Variants in DDX6 observed in about 807,000 individuals in gnomAD.
DDX6 encodes the protein DEAD-box helicase 6, also known as probable ATP-dependent RNA helicase DDX6.
A neutral mutation model predicts 60.6 loss-of-function variants in DDX6; 7 were observed. The ratio of observed to expected loss-of-function variants is 0.12; its 90% CI spans 0.07 to 0.22. The LOEUF is 0.22. DDX6 is among the 10% of genes least tolerant of loss of function. The probability of loss-of-function intolerance (pLI) is 1.00; values close to 1 mark genes in which losing one functional copy is unlikely to be tolerated. For synonymous variants in DDX6, 207 were observed against 201.0 expected, an observed-to-expected ratio of 1.03 and a Z score of -0.25; for missense variants, 270 against 589.9, an observed-to-expected ratio of 0.46 and a Z score of 5.62.
intron 4 of DDX6, among the ~76,000 whole-genome samples, chr11:118,770,883 CAA>C (rs369951350): frequency 1.7e-4 from 16 of 95,442 alleles, no homozygotes; most frequent in African/African-American, 1.4e-4. Context: ...CTCAGTCTCA[CAA>C]AAAAAAAAAA....
intron 9 of DDX6, among the ~76,000 whole-genome samples, chr11:118,758,373 C>CT (rs879993842): frequency 8.2e-4 from 121 of 148,372 alleles, no homozygotes; most frequent in Admixed American, 2.3e-3. Context: ...ATTTTTTAAT[C>CT]TTTTTTTTTT....
intron 1 of DDX6, chr11:118,786,988 T>G (rs529994718): frequency 6.6e-6 from 1 of 152,320 alleles, no homozygotes; most frequent in African/African-American, 2.4e-5. Flanking sequence ...GCTTTTGACT[T>G]GAACTTCACA....
At chr11:118,758,990 G>A in intron 8 of DDX6, 88 bp from the exon 9 acceptor site, 1 of 1,520,334 alleles carries the variant, frequency 6.6e-7, no homozygotes, top group Non-Finnish European at 8.9e-7. Context: ...ATACGTTTCT[G>A]TCCGATAAAC....
In DDX6 at chr11:118,780,148, A is replaced by G. The variant is rs1267022465; in HGVS notation, c.265-412T>C. Among the ~76,000 whole-genome samples the G allele has an allele frequency of 5.3e-5, 8 of 150,156 alleles. No individual in the cohort carries two copies. In the East Asian group the frequency reaches 1.6e-3, roughly 29 times the overall value. ...AAAAAAAAAAAAAAAAAAAGGAAAG[A>G]AAACTTCTCTGACTTTAGTACTTTA... On this transcript the variant is annotated intron_variant, in intron 3 of 13. Coordinates refer to ENST00000534980, the MANE Select transcript of DDX6 (RefSeq NM_004397.6).
rs1302242500 is a variant in DDX6, at chr11:118,748,249, T to C, written c.*3856A>G. The C allele has an allele frequency of 1.3e-5, 2 of 152,212 alleles. No homozygotes were observed. The highest frequency in any genetic ancestry group is 2.9e-5 in the Non-Finnish European group (2 of 68,054). 9.4% of individuals were successfully genotyped at this position (152,212 alleles called of 1,614,324 possible). A position where few individuals can be genotyped will look rare whatever the true frequency, so the allele number is the denominator to read the frequency against. ...TCTGTTGGAATCTGTCAGCTGTGGA[T>C]GGGCAGAGTCCAGGTGCCAGGCTAG... On this transcript the variant is annotated 3_prime_UTR_variant, in exon 14 of 14. Coordinates refer to ENST00000534980, the MANE Select transcript of DDX6 (RefSeq NM_004397.6).
intron 3 of DDX6, 31 bp from the exon 4 acceptor site, chr11:118,779,767 T>C (rs1292212255): frequency 2.7e-6 from 4 of 1,466,926 alleles, no homozygotes; most frequent in South Asian, 2.4e-5. Context: ...AATAAAAGAA[T>C]AAATAACACT....
At chr11:118,759,520 T>C (rs1334779504) in intron 8 of DDX6, among the ~76,000 whole-genome samples, 1 of 152,210 alleles carries the variant, frequency 6.6e-6, no homozygotes, top group Non-Finnish European at 1.5e-5. Context: ...CATCCTTAAT[T>C]TGAAAATTCA....
chr11:118,749,051 G>A lies in DDX6; in HGVS notation c.*3054C>T, dbSNP rs1027665916. The A allele has an allele frequency of 2.0e-5, 3 of 152,086 alleles. No homozygotes were observed. Among genetic ancestry groups the A allele is most frequent in the Non-Finnish European group, 2.9e-5 (2 of 68,018 alleles). The allele number at this position is 152,086 out of a possible 1,614,324, so 9.4% of individuals were successfully genotyped here. On this transcript the variant is annotated 3_prime_UTR_variant, in exon 14 of 14. Coordinates refer to ENST00000534980, the MANE Select transcript of DDX6 (RefSeq NM_004397.6). ...TGTGAAAGATCATTTTAGAATAAAT[G>A]TATTCCATTCCTATGGGAGAGGCAA...
At chr11:118,787,485 A>AAT in intron 1 of DDX6, 1 of 25,262 alleles carries the variant, frequency 4.0e-5, no homozygotes, top group Non-Finnish European at 6.1e-5. Flanking sequence ...AAAAACAAAC[A>AAT]AGAAAAAAAA....
At chr11:118,773,863 CA>C (rs199977052) in intron 4 of DDX6, among the ~76,000 whole-genome samples, 42 of 144,816 alleles carry the variant, frequency 2.9e-4, no homozygotes, top group African/African-American at 4.6e-4. Flanking sequence ...AAACACACAC[CA>C]AAAAAAAAAA....
At chr11:118,779,782 G>T in intron 3 of DDX6, 46 bp from the exon 4 acceptor site, 1 of 1,386,528 alleles carries the variant, frequency 7.2e-7, no homozygotes, top group Non-Finnish European at 1.0e-6. Flanking sequence ...AACACTGTTG[G>T]TAAATTTGGT....
Position 118,751,379 on chromosome 11 carries a change from A to G in DDX6, c.*726T>C, listed in dbSNP as rs1860763467. The G allele has an allele frequency of 6.6e-6, 1 of 151,880 alleles. No individual in the cohort carries two copies. Among genetic ancestry groups the G allele is most frequent in the African/African-American group, 2.4e-5 (1 of 41,342 alleles). 9.4% of individuals were successfully genotyped at this position (151,880 alleles called of 1,614,324 possible). A position where few individuals can be genotyped will look rare whatever the true frequency, so the allele number is the denominator to read the frequency against. ...TACTTGGGATTGTTTTTTTAAATAC[A>G]TGTATTTACAGTGCGGATGAACTGC... On this transcript the variant is annotated 3_prime_UTR_variant, in exon 14 of 14. Coordinates refer to ENST00000534980, the MANE Select transcript of DDX6 (RefSeq NM_004397.6).
chr11:118,770,839 G>A (rs569598515), intron 4 of DDX6, among the ~76,000 whole-genome samples: 25 of 147,984 alleles, frequency 1.7e-4, no homozygotes, highest in African/African-American at 6.0e-4. Flanking sequence ...CCAAGATTGC[G>A]CCACTGCACT....
At chr11:118,778,983 C>T (rs1861794338) in intron 4 of DDX6, among the ~76,000 whole-genome samples, 2 of 151,944 alleles carry the variant, frequency 1.3e-5, no homozygotes, top group East Asian at 3.8e-4. Context: ...TAGCAAAATC[C>T]TATCCCTACA....
At chr11:118,769,049 T>C (rs1435264509) in intron 4 of DDX6, among the ~76,000 whole-genome samples, 2 of 138,754 alleles carry the variant, frequency 1.4e-5, no homozygotes, top group African/African-American at 5.4e-5. Flanking sequence ...CCCACCATTA[T>C]GGGAGGCCAA....
chr11:118,785,454 AT>A (rs1190621812), intron 2 of DDX6, among the ~76,000 whole-genome samples: 3 of 151,478 alleles, frequency 2.0e-5, no homozygotes, highest in Non-Finnish European at 2.9e-5. Flanking sequence ...ATCCTCCCAC[AT>A]TGGCCTCCCC....
At chr11:118,759,061 T>C (rs575253652) in intron 8 of DDX6, 159 bp from the exon 9 acceptor site, 11 of 971,696 alleles carry the variant, frequency 1.1e-5, no homozygotes, top group African/African-American at 1.0e-4. Context: ...ATTACAGAAT[T>C]TCCCCCCTGC....
chr11:118,776,531 G>A (rs1324823166), intron 4 of DDX6, among the ~76,000 whole-genome samples: 1 of 152,078 alleles, frequency 6.6e-6, no homozygotes, highest in Non-Finnish European at 1.5e-5. Flanking sequence ...TACTGTAAAG[G>A]AACTCTCATA....
Position 118,748,032 on chromosome 11 carries a change from T to G in DDX6, c.*4073A>C, listed in dbSNP as rs2097602814. 1 of 151,948 alleles carries G rather than the reference T, an allele frequency of 6.6e-6. No homozygotes were observed. The highest frequency in any genetic ancestry group is 6.6e-5 in the Admixed American group (1 of 15,244). The allele number at this position is 151,948 out of a possible 1,614,324, so 9.4% of individuals were successfully genotyped here. On this transcript the variant is annotated 3_prime_UTR_variant, in exon 14 of 14. Transcript: ENST00000534980. ...ACTGGTCCCTTGTGGCTAGGGACAT[T>G]GGAATTCTCTACCATTTTTACTGAA... is the stretch of plus-strand genomic sequence containing the variant.
Sources: allele counts gnomAD v4.1 joint callset (sites outside exome capture counted in the v4.1 genomes callset), GRCh38; gene constraint gnomAD v4.1.1; transcripts MANE v1.5; gene names NCBI Gene and HGNC (gene_info 2026-07-23, HGNC 2026-07-21).